The following CNTN5 variants were observed in gnomAD, a reference collection of about 807,000 sequenced individuals.
CNTN5 encodes the protein contactin-5.
CNTN5 carries 77 observed loss-of-function variants against 129.1 expected under a neutral mutation model. The observed-to-expected ratio is 0.60, with a 90% CI of 0.50 to 0.72. The LOEUF (loss-of-function observed/expected upper bound fraction) is 0.72. Among genes scored for constraint, CNTN5 ranks in the 30% least tolerant of loss-of-function variants. The pLI, the probability that CNTN5 is intolerant of heterozygous loss-of-function variation, is 0.00. For synonymous variants in CNTN5, 509 were observed against 465.6 expected (o/e 1.09, Z -1.20); for missense variants, 1,478 against 1,328.8 (o/e 1.11, Z -1.75).
chr11:99,844,323 T>A (rs1451191496), intron 4 of CNTN5, among the ~76,000 whole-genome samples: 1 of 152,230 alleles, frequency 6.6e-6, no homozygotes, highest in Non-Finnish European at 1.5e-5. Flanking sequence ...CCTTTATGCA[T>A]GTTACATCAT....
chr11:99,449,429 G>T (rs1315858662), intron 2 of CNTN5, among the ~76,000 whole-genome samples: 2 of 152,138 alleles, frequency 1.3e-5, no homozygotes, highest in African/African-American at 4.8e-5. Flanking sequence ...TATTTGTATG[G>T]TTTGAAAATT....
chr11:99,234,084 T>C (rs370556800), intron 1 of CNTN5, among the ~76,000 whole-genome samples: 1 of 152,246 alleles, frequency 6.6e-6, no homozygotes, highest in African/African-American at 2.4e-5. Flanking sequence ...TCCTGACACG[T>C]AAATTTAATC....
At chr11:99,207,184 T>A (rs74520161) in intron 1 of CNTN5, among the ~76,000 whole-genome samples, 13,313 of 152,144 alleles carry the variant, frequency 0.088, 618 homozygotes, top group African/African-American at 0.11. Flanking sequence ...TTTTGATGAA[T>A]AAAATTAATG....
chr11:99,662,164 G>A (rs879618348), intron 3 of CNTN5, among the ~76,000 whole-genome samples: 14 of 152,056 alleles, frequency 9.2e-5, no homozygotes, highest in Non-Finnish European at 1.8e-4. Flanking sequence ...ACTTAAAAGT[G>A]TTTAAACTTT....
intron 9 of CNTN5, among the ~76,000 whole-genome samples, chr11:100,058,806 TTACAAGAGACATAAGTAAGA>T (rs1943345445): frequency 6.6e-6 from 1 of 152,158 alleles, no homozygotes; most frequent in African/African-American, 2.4e-5. Flanking sequence ...TGGTAGACTG[TTACAAGAGACATAAGTAAGA>T]TACACAAAGC....
intron 1 of CNTN5, among the ~76,000 whole-genome samples, chr11:99,175,994 C>T (rs769797905): frequency 3.3e-5 from 5 of 152,158 alleles, no homozygotes; most frequent in Non-Finnish European, 7.4e-5. Context: ...ATGGTTCTAG[C>T]AATTATTTTC....
intron 1 of CNTN5, among the ~76,000 whole-genome samples, chr11:99,210,445 G>T (rs939591805): frequency 3.3e-5 from 5 of 152,100 alleles, no homozygotes; most frequent in African/African-American, 1.2e-4. Context: ...CTTGGTCTCG[G>T]TAGAGAAGAA....
chr11:99,253,059 A>G (rs1168095407), intron 1 of CNTN5, among the ~76,000 whole-genome samples: 1 of 151,786 alleles, frequency 6.6e-6, no homozygotes, highest in Non-Finnish European at 1.5e-5. Flanking sequence ...CCCCACTCAA[A>G]TCTCACCTTG....
intron 13 of CNTN5, among the ~76,000 whole-genome samples, chr11:100,128,242 T>A (rs1030070904): frequency 8.5e-5 from 13 of 152,118 alleles, no homozygotes; most frequent in Non-Finnish European, 1.3e-4. Flanking sequence ...CCCTCCTTTT[T>A]TCCTGTCTCA....
chr11:99,970,693 T>G (rs1951226288), intron 8 of CNTN5, among the ~76,000 whole-genome samples: 1 of 152,214 alleles, frequency 6.6e-6, no homozygotes, highest in African/African-American at 2.4e-5. Flanking sequence ...GCGGGGGTAT[T>G]GCAGTCAGAA....
chr11:99,887,047 A>T (rs992939933), intron 6 of CNTN5, among the ~76,000 whole-genome samples: 1 of 152,212 alleles, frequency 6.6e-6, no homozygotes, highest in African/African-American at 2.4e-5. Context: ...ATTGGTATTC[A>T]TTAAGTTTTC....
rs147965365 is a variant in CNTN5 at position 99,374,052 on chromosome 11, C to T, written c.-71+48568C>T. The stretch of plus-strand genomic sequence containing the variant: ...AAAAAGTAATATTTGAGGAAGTTAT[C>T]GAAACATTTCACTGTTTTTCAGAAC... On this transcript the variant is annotated intron_variant, in intron 2 of 24. Coordinates refer to ENST00000524871, the MANE Select transcript of CNTN5 (RefSeq NM_014361.4). 2.5e-4 allele frequency among the ~76,000 whole-genome samples: 38 copies of T among 152,200 alleles called. 1 individual carries two copies. The Middle Eastern group carries it at 0.01, about 41-fold the overall frequency.
At chr11:99,763,618 T>C (rs1020567789) in intron 3 of CNTN5, among the ~76,000 whole-genome samples, 5 of 151,990 alleles carry the variant, frequency 3.3e-5, no homozygotes, top group Non-Finnish European at 7.4e-5. Context: ...AACTAGAAAA[T>C]AGGTACACCC....
Position 100,186,676 on chromosome 11 carries a change from C to A in CNTN5, c.1581-4450C>A, listed in dbSNP as rs1255346598. Among the ~76,000 whole-genome samples the A allele has an allele frequency of 1.2e-4, 18 of 152,148 alleles. No individual in the cohort carries two copies. The East Asian group carries it at 3.3e-3, about 28-fold the overall frequency. On this transcript the variant is annotated intron_variant, in intron 13 of 24. Coordinates refer to ENST00000524871, the MANE Select transcript of CNTN5 (RefSeq NM_014361.4). ...CTGATTTAAATTTCCAAAATCTCTCCCAGCCCCTGAAAACCTTCACCTCAC... is the reference window on the plus strand; with the variant it reads ...CTGATTTAAATTTCCAAAATCTCTCACAGCCCCTGAAAACCTTCACCTCAC...
Position 99,630,976 on chromosome 11 carries a change from G to A in CNTN5, c.55+74707G>A, listed in dbSNP as rs185335614. 3.0e-3 allele frequency among the ~76,000 whole-genome samples: 455 copies of A among 152,150 alleles called. 2 individuals carry two copies. Among genetic ancestry groups the A allele is most frequent in the Middle Eastern group, 3.4e-3 (1 of 294 alleles). On this transcript the variant is annotated intron_variant, in intron 3 of 24. Transcript: ENST00000524871. ...CAATGCATCTATTAAATCTAAAGGCGTTTATTTTTCACATCATAAAAAGGT... is the reference window on the plus strand; with the variant it reads ...CAATGCATCTATTAAATCTAAAGGCATTTATTTTTCACATCATAAAAAGGT...
At position 99,250,912 on chromosome 11, in the gene CNTN5, T is replaced by C. The variant is rs367895787; in HGVS notation, c.-209-74434T>C. Among the ~76,000 whole-genome samples, 52 of 152,074 alleles carry C rather than the reference T, an allele frequency of 3.4e-4. 2 individuals are homozygous for C. The South Asian group carries it at 0.01, about 30-fold the overall frequency. On this transcript the variant is annotated intron_variant, in intron 1 of 24. Coordinates refer to ENST00000524871, the MANE Select transcript of CNTN5 (RefSeq NM_014361.4). ...ACAGTGTGGTCTGAAGAAACAGAAT[T>C]TGAGGCACTAAAATTTGTTCATATG...
At chr11:99,024,025 C>G (rs1461207750) in intron 1 of CNTN5, among the ~76,000 whole-genome samples, 1 of 152,150 alleles carries the variant, frequency 6.6e-6, no homozygotes, top group Non-Finnish European at 1.5e-5. Context: ...AGGAAAGAGA[C>G]TGGTCGGAAG....
chr11:99,147,550 G>A (rs17133162), intron 1 of CNTN5, among the ~76,000 whole-genome samples: 5,721 of 152,154 alleles, frequency 0.038, 241 homozygotes, highest in African/African-American at 0.099. Flanking sequence ...TGTAATGAAG[G>A]ACAGACCACA....
intron 3 of CNTN5, among the ~76,000 whole-genome samples, chr11:99,768,368 T>C (rs146172563): frequency 2.8e-4 from 43 of 152,204 alleles, no homozygotes; most frequent in African/African-American, 9.4e-4. Flanking sequence ...TCGTCCTATA[T>C]CTCCTACATG....
Sources: allele counts gnomAD v4.1 joint callset (sites outside exome capture counted in the v4.1 genomes callset), GRCh38; gene constraint gnomAD v4.1.1; transcripts MANE v1.5; gene names NCBI Gene and HGNC (gene_info 2026-07-23, HGNC 2026-07-21).